The following MRTFA variants were observed in gnomAD, a reference collection of about 807,000 sequenced individuals.
MRTFA encodes myocardin related transcription factor A, also known as myocardin-related transcription factor A.
Under a neutral mutation model 83.5 loss-of-function variants are expected in MRTFA, and 20 were observed. The ratio of observed to expected loss-of-function variants is 0.24; its 90% CI spans 0.17 to 0.35. The LOEUF is 0.35. MRTFA is among the 10% of genes least tolerant of loss of function. The pLI, the probability that MRTFA is intolerant of heterozygous loss-of-function variation, is 1.00. For synonymous variants in MRTFA, 659 were observed against 541.2 expected (o/e 1.22, Z -3.02); for missense variants, 1,200 against 1,224.7 (o/e 0.98, Z 0.30).
At chr22:40,502,121 C>T (rs1303233220) in intron 3 of MRTFA, among the ~76,000 whole-genome samples, 1 of 143,826 alleles carries the variant, frequency 7.0e-6, no homozygotes, top group Admixed American at 6.7e-5. Context: ...AGAGGCGCCC[C>T]TCACCTCCCG....
At chr22:40,589,686 T>C (rs1423654651) in intron 2 of MRTFA, among the ~76,000 whole-genome samples, 1 of 152,178 alleles carries the variant, frequency 6.6e-6, no homozygotes, top group Non-Finnish European at 1.5e-5. Context: ...AAACTAAATT[T>C]GCGTCCCAAG....
rs1299054744 is a variant in MRTFA, at chr22:40,463,218, T to TA, written c.307+2dup. 1 of 1,613,630 alleles carries TA rather than the reference T, an allele frequency of 6.2e-7. No homozygotes were observed. The highest frequency in any genetic ancestry group is 8.5e-7 in the Non-Finnish European group (1 of 1,179,750). ...CCAAATGCTGAGAGAGAGAGGCACTTACGCGGCATGATCCCTTGGCTCACC... is the reference window on the plus strand; with the variant it reads ...CCAAATGCTGAGAGAGAGAGGCACTTAACGCGGCATGATCCCTTGGCTCACC... On this transcript the variant is annotated splice_region_variant and intron_variant, in intron 4 of 14. Coordinates refer to ENST00000355630, the MANE Select transcript of MRTFA (RefSeq NM_020831.6).
At chr22:40,508,136 G>C (rs1160758742) in intron 3 of MRTFA, among the ~76,000 whole-genome samples, 1 of 152,110 alleles carries the variant, frequency 6.6e-6, no homozygotes, top group Non-Finnish European at 1.5e-5. Context: ...TCCCCAATTT[G>C]ATTAAGTAAA....
chr22:40,528,287 C>T (rs1302100815), intron 3 of MRTFA, among the ~76,000 whole-genome samples: 1 of 152,102 alleles, frequency 6.6e-6, no homozygotes. Context: ...AATGGAAAAG[C>T]CCAAAGAAAA....
At chr22:40,573,141 G>A (rs1345570166) in intron 2 of MRTFA, among the ~76,000 whole-genome samples, 6 of 152,172 alleles carry the variant, frequency 3.9e-5, no homozygotes, top group African/African-American at 1.4e-4. Flanking sequence ...GAGGGAAGGA[G>A]TATGAAGTTT....
chr22:40,424,163 T>G (rs761026558), intron 8 of MRTFA, 43 bp downstream of exon 8: 2 of 1,554,760 alleles, frequency 1.3e-6, no homozygotes, highest in African/African-American at 2.8e-5. Context: ...TGCGCAGCCC[T>G]AGCACCTTGG....
At chr22:40,524,786 G>A (rs1661833056) in intron 3 of MRTFA, among the ~76,000 whole-genome samples, 1 of 152,056 alleles carries the variant, frequency 6.6e-6, no homozygotes, top group Non-Finnish European at 1.5e-5. Context: ...TTTAACATAA[G>A]CTTTATTTAT....
chr22:40,559,421 C>CT (rs886110232), intron 2 of MRTFA, among the ~76,000 whole-genome samples: 3 of 151,570 alleles, frequency 2.0e-5, no homozygotes, highest in Non-Finnish European at 2.9e-5. Flanking sequence ...AGAACACATA[C>CT]TTTTTTTTTC....
At chr22:40,419,582 G>A (rs2052781851) in intron 11 of MRTFA, among the ~76,000 whole-genome samples, 198 bp from the exon 12 acceptor site, 2 of 152,292 alleles carry the variant, frequency 1.3e-5, no homozygotes, top group South Asian at 2.1e-4. Context: ...ACTCTAGCAG[G>A]GGTCTGGTTA....
chr22:40,533,582 T>C lies in MRTFA; in HGVS notation c.241+18524A>G, dbSNP rs1418972455. The C allele has an allele frequency of 3.3e-6, 4 of 1,225,138 alleles. No individual in the cohort carries two copies. In the African/African-American group the frequency reaches 6.2e-5, roughly 19 times the overall value. The allele number at this position is 1,225,138 out of a possible 1,614,324, so 75.9% of individuals were successfully genotyped here. On this transcript the variant is annotated intron_variant, in intron 3 of 14. Coordinates refer to ENST00000355630, the MANE Select transcript of MRTFA (RefSeq NM_020831.6). ...GCAAGTTAGGAAATTAGGATTTATG[T>C]GAATTACCTGACTGTACTGCCATCA...
At chr22:40,419,526 G>A in intron 11 of MRTFA, 142 bp from the exon 12 acceptor site, 2 of 709,084 alleles carry the variant, frequency 2.8e-6, no homozygotes. Flanking sequence ...AGGGTGCAAT[G>A]CCCCCCACCA....
chr22:40,488,606 C>T (rs777314913), intron 3 of MRTFA, among the ~76,000 whole-genome samples: 2 of 151,822 alleles, frequency 1.3e-5, no homozygotes, highest in East Asian at 1.9e-4. Flanking sequence ...CCAAGGCGGG[C>T]GGATCAACTG....
chr22:40,489,108 AG>A (rs1485588007), intron 3 of MRTFA, among the ~76,000 whole-genome samples: 1 of 152,206 alleles, frequency 6.6e-6, no homozygotes, highest in Non-Finnish European at 1.5e-5. Context: ...CTATAAAAAA[AG>A]AAAATATTAA....
chr22:40,447,746 A>G (rs2053409072), intron 4 of MRTFA, among the ~76,000 whole-genome samples: 1 of 152,234 alleles, frequency 6.6e-6, no homozygotes, highest in South Asian at 2.1e-4. Flanking sequence ...GCTTCTCAGT[A>G]CTTACTATTT....
At chr22:40,429,540 G>C in intron 7 of MRTFA, 66 bp downstream of exon 7, 1 of 1,590,860 alleles carries the variant, frequency 6.3e-7, no homozygotes, top group Non-Finnish European at 8.6e-7. Flanking sequence ...TTCTGCTTCA[G>C]CCTGGCACTC....
At chr22:40,530,022 G>A (rs1287276143) in intron 3 of MRTFA, among the ~76,000 whole-genome samples, 1 of 152,180 alleles carries the variant, frequency 6.6e-6, no homozygotes, top group Non-Finnish European at 1.5e-5. Context: ...GCCTCATTAA[G>A]ATCAGATTTA....
At chr22:40,566,199 T>C (rs1442839839) in intron 2 of MRTFA, among the ~76,000 whole-genome samples, 1 of 151,658 alleles carries the variant, frequency 6.6e-6, no homozygotes. Flanking sequence ...TTTTACACAA[T>C]GGAGTGATAT....
At position 40,411,496 on chromosome 22, in the gene MRTFA, C is replaced by G; in HGVS notation, c.2990G>C (p.Gly997Ala). 3 of 1,610,872 alleles carry G rather than the reference C, an allele frequency of 1.9e-6. No individual in the cohort carries two copies. Among genetic ancestry groups the G allele is most frequent in the Non-Finnish European group, 2.5e-6 (3 of 1,177,628 alleles). ...GAGGGGGGCTAGGCTCAGCACGGGA[C>G]CACCTGACGACAGCTCCAGCCAGTC... The change falls in exon 15 of 15, where the codon GGT (glycine) becomes GCT (alanine). Residue 997 changes from glycine (G) to alanine (A), a missense_variant. Physicochemically the swap from Gly to Ala is moderately conservative, Grantham distance 60. This residue lies in a region of MRTFA where 1,107 missense variants were observed against 1,041.8 expected (regional missense o/e 1.06). Coordinates refer to ENST00000355630, the MANE Select transcript of MRTFA (RefSeq NM_020831.6).
chr22:40,571,675 T>C (rs1439882532), intron 2 of MRTFA, among the ~76,000 whole-genome samples: 2 of 151,862 alleles, frequency 1.3e-5, no homozygotes, highest in Non-Finnish European at 2.9e-5. Context: ...TCCCGGCACT[T>C]TGAGAGGCCG....
Sources: gnomAD v4.1 joint callset for allele counts (sites outside exome capture counted in the v4.1 genomes callset) on GRCh38, gnomAD v4.1.1 for gene constraint, gnomAD v4.1.1 regional missense constraint, MANE v1.5 for transcripts, NCBI Gene and HGNC (gene_info 2026-07-23, HGNC 2026-07-21) for gene names.